CEP43: variants seen among roughly 807,000 people sequenced by gnomAD.
CEP43 encodes the protein FGFR1 oncogene partner.
A neutral mutation model predicts 52.6 loss-of-function variants in CEP43; 36 were observed. The observed-to-expected ratio is 0.68, with a 90% CI of 0.52 to 0.90. The LOEUF is 0.90. Ranked by LOEUF, CEP43 falls within the 40% of genes least tolerant of loss-of-function variation. The probability of loss-of-function intolerance (pLI) is 0.00; values close to 1 mark genes in which losing one functional copy is unlikely to be tolerated. For synonymous variants in CEP43, 192 were observed against 172.4 expected (o/e 1.11, Z -0.89); for missense variants, 506 against 472.8 (o/e 1.07, Z -0.65).
At chr6:167,039,330 T>A (rs959488971) in intron 12 of CEP43, among the ~76,000 whole-genome samples, 4 of 152,196 alleles carry the variant, frequency 2.6e-5, no homozygotes. Flanking sequence ...GGTTTCACCA[T>A]GTTGGCCAGG....
intron 5 of CEP43, among the ~76,000 whole-genome samples, chr6:167,005,988 C>T (rs1441381380): frequency 1.3e-5 from 2 of 152,220 alleles, no homozygotes; most frequent in African/African-American, 4.8e-5. Context: ...AACCAGGTTA[C>T]TTGGGTGAAA....
intron 7 of CEP43, among the ~76,000 whole-genome samples, chr6:167,018,610 C>T (rs551382765): frequency 9.2e-5 from 14 of 152,192 alleles, no homozygotes; most frequent in African/African-American, 3.4e-4. Flanking sequence ...AGGATGGTTT[C>T]GGATCTCCTG....
rs1311729101 is a variant in CEP43 at position 167,043,516 on chromosome 6, GA to G, written c.*3539del. The G allele has an allele frequency of 6.6e-6, 1 of 152,058 alleles. No homozygotes were observed. The highest frequency in any genetic ancestry group is 6.6e-5 in the Admixed American group (1 of 15,174). 9.4% of individuals were successfully genotyped at this position (152,058 alleles called of 1,614,324 possible). A position where few individuals can be genotyped will look rare whatever the true frequency, so the allele number is the denominator to read the frequency against. On this transcript the variant is annotated 3_prime_UTR_variant, in exon 13 of 13. Transcript: ENST00000366847. ...CTGCCTCAGCCTCCCAAGTAGCTGA[GA>G]TTACAGGTGCCTGCCACCATGCCCA...
chr6:167,024,824 C>T lies in CEP43; in HGVS notation c.849C>T (p.Leu283=), dbSNP rs371596730. The change falls in exon 9 of 13, where the codon CTC becomes CTT. Residue 283 remains leucine (L), a synonymous_variant. Coordinates refer to ENST00000366847, the MANE Select transcript of CEP43 (RefSeq NM_007045.4). ...PRKQAGSLAS[L]SDAPPLKSGL... Reference sequence around the variant, plus strand: ...AGCAAGCAGGAAGTCTGGCCTCGCTCTCGGATGCACCCCCCTTAAAAAGTG... The same window carrying T: ...AGCAAGCAGGAAGTCTGGCCTCGCTTTCGGATGCACCCCCCTTAAAAAGTG... The T allele has an allele frequency of 1.2e-6, 2 of 1,613,354 alleles. No homozygotes were observed. The highest frequency in any genetic ancestry group is 1.7e-6 in the Non-Finnish European group (2 of 1,179,578).
intron 11 of CEP43, 149 bp from the exon 12 acceptor site, chr6:167,033,726 C>G: frequency 2.3e-6 from 1 of 427,660 alleles, no homozygotes; most frequent in Non-Finnish European, 4.1e-6. Context: ...TTTTAAGGGT[C>G]AAGCAAGACA....
At chr6:167,028,470 T>C (rs921907290) in intron 10 of CEP43, 1 of 985,188 alleles carries the variant, frequency 1.0e-6, no homozygotes, top group African/African-American at 1.7e-5. Context: ...GGCATTAGGA[T>C]TCAGTAGAAA....
chr6:167,040,833 T>G lies in CEP43; in HGVS notation c.*855T>G. 6.8e-6 allele frequency: 7 copies of G among 1,022,956 alleles called. No individual in the cohort carries two copies. The highest frequency in any genetic ancestry group is 8.2e-6 in the Non-Finnish European group (7 of 851,922). 63.4% of individuals were successfully genotyped at this position (1,022,956 alleles called of 1,614,324 possible). On this transcript the variant is annotated 3_prime_UTR_variant, in exon 13 of 13. Coordinates refer to ENST00000366847, the MANE Select transcript of CEP43 (RefSeq NM_007045.4). ...TAAAATCCAAATTGGAATGAAATAG[T>G]AGTAATGGCCTAAGACCATGTTCAG...
chr6:167,024,927 G>A (rs970220555), intron 9 of CEP43, 33 bp downstream of exon 9: 5 of 1,200,654 alleles, frequency 4.2e-6, no homozygotes, highest in Admixed American at 2.2e-5. Context: ...TTCAATACTC[G>A]GGATATTTTT....
rs1056969120 is a variant in CEP43 at position 167,041,973 on chromosome 6, A to G, written c.*1995A>G. On this transcript the variant is annotated 3_prime_UTR_variant, in exon 13 of 13. Transcript: ENST00000366847. ...TGAGTAGCTGGGATTACAGGTGCAC[A>G]CCACCACGCCCGGCTAATTTTTGTA... The G allele has an allele frequency of 2.8e-5, 11 of 399,348 alleles. No individual in the cohort carries two copies. In the East Asian group the frequency reaches 3.2e-4, roughly 12 times the overall value. The allele number at this position is 399,348 out of a possible 1,614,324, so 24.7% of individuals were successfully genotyped here.
chr6:167,024,944 A>G (rs1780321947), intron 9 of CEP43, 50 bp downstream of exon 9: 1 of 973,784 alleles, frequency 1.0e-6, no homozygotes, highest in South Asian at 1.4e-5. Context: ...TTTTTCTCTA[A>G]TTAAATACTA....
In CEP43 at chr6:167,048,187, TTG is replaced by T. The variant is rs66940113; in HGVS notation, c.*8212_*8213del. 58,146 of 151,760 alleles carry T rather than the reference TTG, an allele frequency of 0.38. 11,191 individuals are homozygous for T. The highest frequency in any genetic ancestry group is 0.44 in the Middle Eastern group (129 of 292). 9.4% of individuals were successfully genotyped at this position (151,760 alleles called of 1,614,324 possible). ...GGGCAGATTGCTTGAGCTCAGGAGT[TTG>T]TGAGACTAGCCTGGGCAACATAGTA... On this transcript the variant is annotated 3_prime_UTR_variant, in exon 13 of 13. Coordinates refer to ENST00000366847, the MANE Select transcript of CEP43 (RefSeq NM_007045.4).
rs1780670798 is a variant in CEP43, at chr6:167,040,392, C to T, written c.*414C>T. The T allele has an allele frequency of 7.4e-7, 1 of 1,343,730 alleles. No homozygotes were observed. Among genetic ancestry groups the T allele is most frequent in the Non-Finnish European group, 9.5e-7 (1 of 1,048,716 alleles). 83.2% of individuals were successfully genotyped at this position (1,343,730 alleles called of 1,614,324 possible). On this transcript the variant is annotated 3_prime_UTR_variant, in exon 13 of 13. Coordinates refer to ENST00000366847, the MANE Select transcript of CEP43 (RefSeq NM_007045.4). ...TTTAGCCCTCTGGAATCAGAGCTTA[C>T]CCACCATAGTATATTTTGATATTAG...
chr6:167,025,577 C>G (rs930592825), intron 9 of CEP43, among the ~76,000 whole-genome samples: 4 of 152,228 alleles, frequency 2.6e-5, no homozygotes, highest in Admixed American at 6.5e-5. Flanking sequence ...AAAGTAGATT[C>G]ACTAAGAATT....
intron 7 of CEP43, among the ~76,000 whole-genome samples, chr6:167,021,953 C>T (rs1780242252): frequency 6.6e-6 from 1 of 152,132 alleles, no homozygotes; most frequent in African/African-American, 2.4e-5. Flanking sequence ...ATGAAATAAT[C>T]TTTCTTTTCT....
chr6:167,018,905 C>T (rs143961393), intron 7 of CEP43, among the ~76,000 whole-genome samples: 106 of 152,208 alleles, frequency 7.0e-4, no homozygotes, highest in African/African-American at 2.4e-3. Context: ...CCCAATGTTA[C>T]AACAGTTTGA....
At chr6:167,035,416 CTATTTA>C (rs1780562511) in intron 12 of CEP43, among the ~76,000 whole-genome samples, 1 of 152,066 alleles carries the variant, frequency 6.6e-6, no homozygotes, top group South Asian at 2.1e-4. Flanking sequence ...TAAGCACCTA[CTATTTA>C]GAGAGCACAG....
At chr6:167,005,643 A>C (rs1402596014) in intron 5 of CEP43, among the ~76,000 whole-genome samples, 3 of 152,212 alleles carry the variant, frequency 2.0e-5, no homozygotes, top group Non-Finnish European at 4.4e-5. Flanking sequence ...CAGCTTGTGC[A>C]TATAATTTCA....
intron 12 of CEP43, among the ~76,000 whole-genome samples, chr6:167,034,462 T>G (rs574056095): frequency 6.6e-6 from 1 of 152,302 alleles, no homozygotes; most frequent in East Asian, 1.9e-4. Context: ...AGATCCAAAC[T>G]TTACCTTTTT....
At chr6:167,016,786 T>A (rs1780109589) in intron 7 of CEP43, among the ~76,000 whole-genome samples, 1 of 151,988 alleles carries the variant, frequency 6.6e-6, no homozygotes, top group Non-Finnish European at 1.5e-5. Flanking sequence ...TCTAAATAAT[T>A]CATTAGTAAG....
Sources: allele counts gnomAD v4.1 joint callset (sites outside exome capture counted in the v4.1 genomes callset), GRCh38; gene constraint gnomAD v4.1.1; transcripts MANE v1.5; gene names NCBI Gene and HGNC (gene_info 2026-07-23, HGNC 2026-07-21).